The following CPNE8 variants were observed in gnomAD, a reference collection of about 807,000 sequenced individuals.
CPNE8 encodes copine-8.
A neutral mutation model predicts 81.5 loss-of-function variants in CPNE8; 45 were observed. That is an observed-to-expected ratio of 0.55 (90% CI 0.44 to 0.71). The LOEUF (loss-of-function observed/expected upper bound fraction) is 0.71. CPNE8 is among the 30% of genes least tolerant of loss of function. The pLI is 0.00. For synonymous variants in CPNE8, 252 were observed against 226.3 expected (o/e 1.11, Z -1.02); for missense variants, 594 against 672.1 (o/e 0.88, Z 1.28).
chr12:38,902,177 A>G (rs78175386), intron 1 of CPNE8, among the ~76,000 whole-genome samples: 7,470 of 149,626 alleles, frequency 0.05, 634 homozygotes, highest in African/African-American at 0.17. Flanking sequence ...AGGAAAGGAA[A>G]GAGAAAAAAG....
chr12:38,723,795 T>C lies in CPNE8; in HGVS notation c.891A>G (p.Ser297=), dbSNP rs773931771. 6 of 1,588,752 alleles carry C rather than the reference T, an allele frequency of 3.8e-6. No homozygotes were observed. In the Admixed American group the frequency reaches 8.6e-5, roughly 23 times the overall value. ...LLSFLVETEV[S]FLDYIKGGTQ... ...ACCCTCCCTTAATGTAGTCAAGGAA[T>C]GAAACTTCTGTTTCTACCAAGAAAG... is the stretch of plus-strand genomic sequence containing the variant. Residue 297 remains serine (S), a synonymous_variant, in exon 13 of 20, where the codon TCA becomes TCG. Transcript: ENST00000331366.
intron 10 of CPNE8, among the ~76,000 whole-genome samples, chr12:38,732,035 C>G (rs1319846096): frequency 6.6e-6 from 1 of 151,732 alleles, no homozygotes; most frequent in Non-Finnish European, 1.5e-5. Context: ...AAACACAACG[C>G]TTTGATATCG....
rs193211906 is a variant in CPNE8 at position 38,764,346 on chromosome 12, A to G, written c.576-2130T>C. ...TAAGAAAAAGTCATAGGCCGGGCGC[A>G]GTAGCTCACGCCTGTAATCCCAGCA... On this transcript the variant is annotated intron_variant, in intron 8 of 19. Coordinates refer to ENST00000331366, the MANE Select transcript of CPNE8 (RefSeq NM_153634.3). Among the ~76,000 whole-genome samples the G allele has an allele frequency of 4.9e-3, 749 of 152,206 alleles. 5 individuals are homozygous for G. Among genetic ancestry groups the G allele is most frequent in the African/African-American group, 0.017 (697 of 41,546 alleles).
intron 6 of CPNE8, among the ~76,000 whole-genome samples, chr12:38,777,560 C>G (rs1171873358): frequency 6.6e-6 from 1 of 152,130 alleles, no homozygotes; most frequent in Admixed American, 6.6e-5. Context: ...TCACTCACCA[C>G]TCACTTAGAC....
At chr12:38,840,439 T>A (rs1255810778) in intron 4 of CPNE8, among the ~76,000 whole-genome samples, 2 of 152,182 alleles carry the variant, frequency 1.3e-5, no homozygotes, top group African/African-American at 4.8e-5. Flanking sequence ...TATTGCAAGA[T>A]GTTGCTACTG....
intron 6 of CPNE8, among the ~76,000 whole-genome samples, chr12:38,798,231 C>G (rs1348464608): frequency 1.3e-5 from 2 of 151,942 alleles, no homozygotes; most frequent in Non-Finnish European, 2.9e-5. Flanking sequence ...AAGAGCAACT[C>G]CAAGACACAT....
At chr12:38,844,567 AT>A (rs1317537982) in intron 4 of CPNE8, among the ~76,000 whole-genome samples, 8 of 152,212 alleles carry the variant, frequency 5.3e-5, no homozygotes, top group African/African-American at 1.9e-4. Context: ...CTTATAGCCG[AT>A]AAGGTAATCT....
chr12:38,721,373 G>T (rs1262307951), intron 13 of CPNE8, among the ~76,000 whole-genome samples: 2 of 152,026 alleles, frequency 1.3e-5, no homozygotes, highest in African/African-American at 2.4e-5. Flanking sequence ...GGAGATCTGG[G>T]AAGATGATAG....
At chr12:38,716,327 G>A (rs1473740875) in intron 13 of CPNE8, among the ~76,000 whole-genome samples, 1 of 151,904 alleles carries the variant, frequency 6.6e-6, no homozygotes, top group Non-Finnish European at 1.5e-5. Context: ...CAAAGAGAGA[G>A]CTCACATAGT....
intron 1 of CPNE8, among the ~76,000 whole-genome samples, chr12:38,887,947 A>G (rs61495985): frequency 0.062 from 9,506 of 152,290 alleles, 729 homozygotes; most frequent in African/African-American, 0.18. Flanking sequence ...TAAGTGGACA[A>G]TGATCCTCCA....
intron 13 of CPNE8, among the ~76,000 whole-genome samples, chr12:38,711,023 A>G (rs1940243093): frequency 6.6e-6 from 1 of 152,212 alleles, no homozygotes; most frequent in African/African-American, 2.4e-5. Context: ...TGTGTTGTCT[A>G]CAATAGAATA....
intron 6 of CPNE8, among the ~76,000 whole-genome samples, chr12:38,803,500 A>G (rs1942738298): frequency 6.7e-6 from 1 of 149,610 alleles, no homozygotes; most frequent in African/African-American, 2.4e-5. Context: ...TATTGATGGG[A>G]CGTATTTCAG....
chr12:38,815,351 G>A (rs892789493), intron 6 of CPNE8, among the ~76,000 whole-genome samples: 4 of 151,694 alleles, frequency 2.6e-5, no homozygotes, highest in Admixed American at 6.6e-5. Flanking sequence ...CACCTTTTAC[G>A]CTGAGTAGAT....
chr12:38,687,423 C>T (rs1468300024), intron 15 of CPNE8, among the ~76,000 whole-genome samples: 5 of 143,692 alleles, frequency 3.5e-5, no homozygotes, highest in African/African-American at 5.2e-5. Flanking sequence ...GCTCTGTTGC[C>T]CAGGCTGGAG....
At chr12:38,817,431 A>C (rs369692155) in intron 6 of CPNE8, among the ~76,000 whole-genome samples, 4 of 152,114 alleles carry the variant, frequency 2.6e-5, no homozygotes, top group African/African-American at 9.7e-5. Flanking sequence ...CTTGAGGAAG[A>C]GTTGCATGGG....
At chr12:38,735,620 T>C (rs1352371903) in intron 10 of CPNE8, among the ~76,000 whole-genome samples, 1 of 152,088 alleles carries the variant, frequency 6.6e-6, no homozygotes, top group African/African-American at 2.4e-5. Context: ...CTTCACTGAT[T>C]CTTACAGAAA....
chr12:38,656,890 C>A (rs796342696), intron 19 of CPNE8, among the ~76,000 whole-genome samples: 1 of 152,140 alleles, frequency 6.6e-6, no homozygotes, highest in African/African-American at 2.4e-5. Context: ...GTGGTTGGGA[C>A]CAAGCCTTTC....
intron 7 of CPNE8, among the ~76,000 whole-genome samples, chr12:38,769,044 C>G (rs1235215816): frequency 2.0e-5 from 3 of 152,126 alleles, no homozygotes; most frequent in African/African-American, 7.2e-5. Context: ...GAAGACTACA[C>G]AAAACATGAT....
At chr12:38,873,980 G>A (rs1944027972) in intron 2 of CPNE8, among the ~76,000 whole-genome samples, 1 of 148,710 alleles carries the variant, frequency 6.7e-6, no homozygotes, top group Admixed American at 6.7e-5. Context: ...TTTAAGAGAC[G>A]GGGTTGGGTG....
Sources: allele counts gnomAD v4.1 joint callset (sites outside exome capture counted in the v4.1 genomes callset), GRCh38; gene constraint gnomAD v4.1.1; transcripts MANE v1.5; gene names NCBI Gene and HGNC (gene_info 2026-07-23, HGNC 2026-07-21).